The following CAPN14 variants were observed in gnomAD, a reference collection of about 807,000 sequenced individuals.
CAPN14 encodes calpain-14.
Under a neutral mutation model 101.3 loss-of-function variants are expected in CAPN14, and 94 were observed. That is an observed-to-expected ratio of 0.93 (90% confidence interval 0.79 to 1.10). CAPN14 has a LOEUF of 1.10. Ranked by LOEUF, CAPN14 falls within the 50% of genes least tolerant of loss-of-function variation. CAPN14 has a pLI of 0.00. For missense variants in CAPN14, 837 were observed against 828.4 expected (o/e 1.01, Z -0.13); for synonymous variants, 338 against 317.9 (o/e 1.06, Z -0.67).
chr2:31,199,656 T>C (rs939454917), intron 6 of CAPN14, 124 bp from the exon 7 acceptor site: 27 of 713,882 alleles, frequency 3.8e-5, no homozygotes, highest in East Asian at 1.9e-4. Flanking sequence ...AATCATGGTA[T>C]GGTACATTGC....
chr2:31,226,152 T>G (rs1454094259), intron 2 of CAPN14, among the ~76,000 whole-genome samples: 1 of 152,198 alleles, frequency 6.6e-6, no homozygotes, highest in Admixed American at 6.5e-5. Flanking sequence ...AGAAGATCAT[T>G]GAACCGAGAG....
chr2:31,223,277 T>C (rs1215774896), intron 2 of CAPN14, among the ~76,000 whole-genome samples: 2 of 152,216 alleles, frequency 1.3e-5, no homozygotes, highest in African/African-American at 4.8e-5. Context: ...ACTAAATTGA[T>C]TATCTTTGGC....
At chr2:31,175,731 A>G (rs1420744217) in intron 21 of CAPN14, among the ~76,000 whole-genome samples, 5 of 152,212 alleles carry the variant, frequency 3.3e-5, no homozygotes. Context: ...CTTGGAAAGC[A>G]ATTCCATAAA....
At chr2:31,197,983 C>T (rs1371681272) in intron 7 of CAPN14, among the ~76,000 whole-genome samples, 1 of 147,696 alleles carries the variant, frequency 6.8e-6, no homozygotes, top group Non-Finnish European at 1.5e-5. Flanking sequence ...TCCCCTGCCC[C>T]CAACATTTTA....
At chr2:31,211,653 A>G (rs1682406988) in intron 1 of CAPN14, among the ~76,000 whole-genome samples, 1 of 136,684 alleles carries the variant, frequency 7.3e-6, no homozygotes, top group African/African-American at 2.7e-5. Flanking sequence ...ATATTATTAA[A>G]TGAGCACGTG....
intron 21 of CAPN14, among the ~76,000 whole-genome samples, chr2:31,175,397 C>T (rs569957723): frequency 4.6e-5 from 7 of 152,354 alleles, no homozygotes; most frequent in Admixed American, 2.0e-4. Context: ...CAGCTAATTA[C>T]AAGAAGTGTT....
intron 8 of CAPN14, 107 bp from the exon 9 acceptor site, chr2:31,194,590 C>A: frequency 1.3e-6 from 1 of 752,216 alleles, no homozygotes. Context: ...CTACCTCAGA[C>A]AACTAAATTT....
intron 13 of CAPN14, 39 bp downstream of exon 13, chr2:31,189,234 A>C: frequency 6.5e-7 from 1 of 1,534,138 alleles, no homozygotes; most frequent in African/African-American, 1.4e-5. Flanking sequence ...TCCTCGTCCA[A>C]GTGGTCCCCA....
In CAPN14 at chr2:31,191,424, A is replaced by G. The variant is rs1202796074; in HGVS notation, c.1279-17T>C. 2 of 1,535,958 alleles carry G rather than the reference A, an allele frequency of 1.3e-6. No homozygotes were observed. Among genetic ancestry groups the G allele is most frequent in the Non-Finnish European group, 8.7e-7 (1 of 1,143,908 alleles). ...CTTGTTCATCTAAAAAACAAAAACA[A>G]AAACAGAAAAAAAAAAAAAAAGAGG... On this transcript the variant is annotated splice_polypyrimidine_tract_variant and intron_variant, in intron 11 of 21. Transcript: ENST00000403897.
chr2:31,173,254 A>C lies in CAPN14; in HGVS notation c.*1427T>G, dbSNP rs1680133956. On this transcript the variant is annotated 3_prime_UTR_variant, in exon 22 of 22. Transcript: ENST00000403897. ...ATTTTACATTTTATCATTTGGAATA[A>C]ATGAAGGGTTTTTTTTCCTAAATAA... 1 of 152,208 alleles carries C rather than the reference A, an allele frequency of 6.6e-6. No individual in the cohort carries two copies. Among genetic ancestry groups the C allele is most frequent in the Non-Finnish European group, 1.5e-5 (1 of 68,036 alleles). The allele number at this position is 152,208 out of a possible 1,614,324, so 9.4% of individuals were successfully genotyped here.
At chr2:31,176,687 G>A (rs1255214234) in intron 20 of CAPN14, 45 bp from the exon 21 acceptor site, 11 of 1,479,950 alleles carry the variant, frequency 7.4e-6, no homozygotes, top group Non-Finnish European at 9.2e-6. Context: ...GTGTCTATTG[G>A]AAACATTATG....
intron 16 of CAPN14, among the ~76,000 whole-genome samples, chr2:31,184,899 A>T (rs1282817757): frequency 1.3e-5 from 2 of 152,212 alleles, no homozygotes; most frequent in Admixed American, 6.5e-5. Context: ...GCTAGAGGTC[A>T]ACTAAATTAA....
chr2:31,208,636 A>G (rs1304190294), intron 1 of CAPN14, among the ~76,000 whole-genome samples: 1 of 152,200 alleles, frequency 6.6e-6, no homozygotes, highest in Non-Finnish European at 1.5e-5. Flanking sequence ...CTTAGGGAGA[A>G]TATAGGCCCA....
chr2:31,186,446 T>C lies in CAPN14; in HGVS notation c.1627A>G (p.Asn543Asp), dbSNP rs771064055. ...CACTTACTTGACCAGGTCATCTGGT[T>C]CAGGAGGTTCTGAAGTTGAACTGCA... ...INAVQLQNLLNQMTWSSLGSR... is the reference protein window; with the variant it reads ...INAVQLQNLLDQMTWSSLGSR... The change falls in exon 16 of 22, where the codon AAC becomes GAC. Residue 543 changes from asparagine (N) to aspartate (D), a missense_variant. Asn to Asp is a conservative substitution (Grantham distance 23). Coordinates refer to ENST00000403897, the MANE Select transcript of CAPN14 (RefSeq NM_001145122.2). 9 of 1,549,978 alleles carry C rather than the reference T, an allele frequency of 5.8e-6. No individual in the cohort carries two copies. The highest frequency in any genetic ancestry group is 1.4e-5 in the African/African-American group (1 of 73,054).
chr2:31,228,042 C>T (rs1683076282), intron 1 of CAPN14, among the ~76,000 whole-genome samples: 1 of 152,090 alleles, frequency 6.6e-6, no homozygotes, highest in Admixed American at 6.5e-5. Flanking sequence ...ACAGGGTGTG[C>T]AAAGGAGCCC....
At chr2:31,222,532 T>A (rs532390794) in intron 2 of CAPN14, among the ~76,000 whole-genome samples, 15 of 152,370 alleles carry the variant, frequency 9.8e-5, no homozygotes, top group African/African-American at 2.9e-4. Context: ...GAATGATAGA[T>A]ACTTTACATG....
chr2:31,218,486 A>T (rs1256497248), upstream of CAPN14, among the ~76,000 whole-genome samples: 1 of 151,542 alleles, frequency 6.6e-6, no homozygotes, highest in African/African-American at 2.4e-5. Flanking sequence ...AATCTCTCCA[A>T]CTCAATCATT....
intron 2 of CAPN14, among the ~76,000 whole-genome samples, chr2:31,226,183 A>G (rs986711073): frequency 2.0e-5 from 3 of 152,200 alleles, no homozygotes; most frequent in Non-Finnish European, 4.4e-5. Context: ...GAATGCGGAA[A>G]TAATTCCTGA....
chr2:31,215,530 C>T (rs1053182493), intron 1 of CAPN14, among the ~76,000 whole-genome samples: 12 of 152,140 alleles, frequency 7.9e-5, no homozygotes, highest in African/African-American at 2.7e-4. Context: ...AAGGAGATGT[C>T]GCTTCCTCCT....
Sources: allele counts gnomAD v4.1 joint callset (sites outside exome capture counted in the v4.1 genomes callset), GRCh38; gene constraint gnomAD v4.1.1; transcripts MANE v1.5; gene names NCBI Gene and HGNC (gene_info 2026-07-23, HGNC 2026-07-21).